The following SEMA6A variants were observed in gnomAD, a reference collection of about 807,000 sequenced individuals.
SEMA6A encodes the protein semaphorin 6A, also known as semaphorin-6A.
A neutral mutation model predicts 96.8 loss-of-function variants in SEMA6A; 25 were observed. The ratio of observed to expected loss-of-function variants is 0.26; its 90% confidence interval spans 0.19 to 0.36. SEMA6A has a LOEUF of 0.36. SEMA6A is among the 10% of genes least tolerant of loss of function. The pLI, the probability that SEMA6A is intolerant of heterozygous loss-of-function variation, is 1.00. For synonymous variants in SEMA6A, 612 were observed against 518.0 expected (o/e 1.18, Z -2.46); for missense variants, 1,363 against 1,323.1 (o/e 1.03, Z -0.47).
chr5:116,473,650 C>T (rs1756289558), intron 16 of SEMA6A, among the ~76,000 whole-genome samples: 1 of 152,228 alleles, frequency 6.6e-6, no homozygotes, highest in Non-Finnish European at 1.5e-5. Context: ...CTGGTTCACT[C>T]AGCCTCTAAC....
intron 10 of SEMA6A, among the ~76,000 whole-genome samples, chr5:116,484,779 G>T (rs1052862902): frequency 6.6e-6 from 1 of 152,210 alleles, no homozygotes. Context: ...GTGGGCAGAT[G>T]TTGGTCAGGT....
rs550313027 is a variant in SEMA6A, at chr5:116,483,640, T to G, written c.963-1065A>C. On this transcript the variant is annotated intron_variant, in intron 10 of 18. Transcript: ENST00000343348. Reference sequence around the variant, plus strand: ...AGAAAATTATTGAATAATAATTGCTTAATAATAATTGCTTAAAGCAAGAAA... The same window carrying G: ...AGAAAATTATTGAATAATAATTGCTGAATAATAATTGCTTAAAGCAAGAAA... Among the ~76,000 whole-genome samples the G allele has an allele frequency of 3.3e-5, 5 of 151,182 alleles. 1 individual carries two copies. In the Middle Eastern group the frequency reaches 0.01, roughly 311 times the overall value.
At chr5:116,464,564 C>CA (rs1199191616) in intron 18 of SEMA6A, among the ~76,000 whole-genome samples, 5 of 152,116 alleles carry the variant, frequency 3.3e-5, no homozygotes, top group East Asian at 1.9e-4. Context: ...GAATGCTACT[C>CA]ACGGTGTAGA....
At chr5:116,535,337 T>C (rs557377179) in intron 1 of SEMA6A, among the ~76,000 whole-genome samples, 1 of 152,248 alleles carries the variant, frequency 6.6e-6, no homozygotes, top group South Asian at 2.1e-4. Flanking sequence ...CAACACAAAA[T>C]TGTGTTTGCA....
intron 16 of SEMA6A, among the ~76,000 whole-genome samples, chr5:116,473,999 A>C (rs953752439): frequency 6.6e-6 from 1 of 152,222 alleles, no homozygotes; most frequent in African/African-American, 2.4e-5. Flanking sequence ...TAAAGAGTAA[A>C]GCACAGGGTT....
intron 17 of SEMA6A, among the ~76,000 whole-genome samples, chr5:116,471,914 T>C (rs1016863138): frequency 6.6e-6 from 1 of 152,180 alleles, no homozygotes; most frequent in Non-Finnish European, 1.5e-5. Flanking sequence ...TCTTTTCTTT[T>C]CCCTTTTTTA....
intron 10 of SEMA6A, among the ~76,000 whole-genome samples, chr5:116,485,082 T>A (rs866162854): frequency 6.6e-6 from 1 of 152,178 alleles, no homozygotes; most frequent in Non-Finnish European, 1.5e-5. Flanking sequence ...CTATAATTTA[T>A]AGATGACAAT....
Position 116,459,387 on chromosome 5 carries a change from T to G in SEMA6A, c.1894+8196A>C, listed in dbSNP as rs540429220. On this transcript the variant is annotated intron_variant, in intron 18 of 18. Coordinates refer to ENST00000343348, the MANE Select transcript of SEMA6A (RefSeq NM_020796.5). Reference sequence around the variant, plus strand: ...CTTGCTATCTTTGTCTTTCCCCACTTCTACCCTCCTGTGGTCCCTTTCTTC... The same window carrying G: ...CTTGCTATCTTTGTCTTTCCCCACTGCTACCCTCCTGTGGTCCCTTTCTTC... Among the ~76,000 whole-genome samples the G allele has an allele frequency of 1.2e-3, 181 of 152,270 alleles. 2 individuals are homozygous for G. Among genetic ancestry groups the G allele is most frequent in the Non-Finnish European group, 1.1e-3 (77 of 67,996 alleles).
intron 1 of SEMA6A, among the ~76,000 whole-genome samples, chr5:116,515,546 A>ATAT (rs1758629730): frequency 6.6e-6 from 1 of 152,198 alleles, no homozygotes; most frequent in African/African-American, 2.4e-5. Flanking sequence ...CTGGAGAGTG[A>ATAT]CTTTAAAGGA....
At chr5:116,479,308 A>G (rs1580412167) in intron 12 of SEMA6A, among the ~76,000 whole-genome samples, 1 of 152,164 alleles carries the variant, frequency 6.6e-6, no homozygotes, top group Non-Finnish European at 1.5e-5. Context: ...CCTACTAGCA[A>G]TTTGCTTTCT....
intron 1 of SEMA6A, among the ~76,000 whole-genome samples, chr5:116,553,483 C>T (rs1006267837): frequency 9.9e-5 from 15 of 152,264 alleles, no homozygotes; most frequent in African/African-American, 3.6e-4. Context: ...AATTGCCTGC[C>T]ACAGGACTGT....
At chr5:116,464,915 G>A (rs1755636182) in intron 18 of SEMA6A, among the ~76,000 whole-genome samples, 1 of 152,146 alleles carries the variant, frequency 6.6e-6, no homozygotes, top group Non-Finnish European at 1.5e-5. Context: ...AAAATAAAAT[G>A]GGCAATGGAC....
At chr5:116,555,165 G>C (rs1310866452) in intron 1 of SEMA6A, among the ~76,000 whole-genome samples, 3 of 152,170 alleles carry the variant, frequency 2.0e-5, no homozygotes, top group Non-Finnish European at 4.4e-5. Context: ...TGACCAACAA[G>C]TTCCTTATTT....
chr5:116,560,233 C>T (rs1361440504), intron 1 of SEMA6A, among the ~76,000 whole-genome samples: 2 of 152,218 alleles, frequency 1.3e-5, no homozygotes, highest in African/African-American at 2.4e-5. Flanking sequence ...CACTTTTGGC[C>T]TTCTTAGCAT....
At chr5:116,472,334 A>T (rs1452186275) in intron 17 of SEMA6A, 4 of 152,290 alleles carry the variant, frequency 2.6e-5, no homozygotes, top group African/African-American at 9.7e-5. Flanking sequence ...CCTTGTCTAC[A>T]TTCTGAAGAA....
At chr5:116,486,611 A>C in intron 10 of SEMA6A, 138 bp downstream of exon 10, 1 of 664,616 alleles carries the variant, frequency 1.5e-6, no homozygotes, top group Non-Finnish European at 2.6e-6. Flanking sequence ...GATGAAAACT[A>C]AGTGTTAAGT....
intron 3 of SEMA6A, among the ~76,000 whole-genome samples, chr5:116,499,836 C>G (rs1403482139): frequency 6.6e-6 from 1 of 152,170 alleles, no homozygotes; most frequent in East Asian, 1.9e-4. Flanking sequence ...CTAATGGTCA[C>G]TTTTAAGTCT....
chr5:116,475,311 T>C (rs1243577665), intron 16 of SEMA6A, among the ~76,000 whole-genome samples: 3 of 152,230 alleles, frequency 2.0e-5, no homozygotes, highest in Non-Finnish European at 2.9e-5. Context: ...GGGTGAATTT[T>C]TTCCCCTGCA....
At chr5:116,488,074 T>C (rs1035722557) in intron 9 of SEMA6A, 34 bp downstream of exon 9, 1 of 1,401,418 alleles carries the variant, frequency 7.1e-7, no homozygotes, top group East Asian at 2.3e-5. Flanking sequence ...CTGAAAATGT[T>C]ACAAACTGAG....
Sources: gnomAD v4.1 joint callset for allele counts (sites outside exome capture counted in the v4.1 genomes callset) on GRCh38, gnomAD v4.1.1 for gene constraint, MANE v1.5 for transcripts, NCBI Gene and HGNC (gene_info 2026-07-23, HGNC 2026-07-21) for gene names.